Variants in LRP10 observed in about 807,000 individuals in gnomAD.
LRP10 encodes LDL receptor related protein 10, also known as low-density lipoprotein receptor-related protein 10.
LRP10 carries 42 observed loss-of-function variants against 58.5 expected under a neutral mutation model. The observed-to-expected ratio is 0.72, with a 90% CI of 0.56 to 0.93. The LOEUF (loss-of-function observed/expected upper bound fraction) is 0.93, where lower values mean the gene tolerates loss of function less well. LRP10 is among the 40% of genes least tolerant of loss of function. The pLI is 0.00. For synonymous variants in LRP10, 377 were observed against 388.5 expected, an observed-to-expected ratio of 0.97 and a Z score of 0.35; for missense variants, 872 against 940.1, an observed-to-expected ratio of 0.93 and a Z score of 0.95.
In LRP10 at chr14:22,877,652, G is replaced by C. The variant is rs2040023085; in HGVS notation, c.*125G>C. On this transcript the variant is annotated 3_prime_UTR_variant, in exon 7 of 7. Transcript: ENST00000359591. This position sits in a 1 kb window ranked among gnomAD's most constrained non-coding sequence, Gnocchi z 5.1. ...CCCTGTCCCTGGATTTCAGGGACTT[G>C]GTGGGCCTCCCGTTGACCCTATGTA... 1.4e-6 allele frequency: 1 copy of C among 712,794 alleles called. No individual in the cohort carries two copies. The highest frequency in any genetic ancestry group is 3.1e-5 in the Admixed American group (1 of 32,478). The allele number at this position is 712,794 out of a possible 1,614,324, so 44.2% of individuals were successfully genotyped here. A position where few individuals can be genotyped will look rare whatever the true frequency, so the allele number is the denominator to read the frequency against.
chr14:22,872,856 T>G (rs886826616), intron 2 of LRP10, 74 bp downstream of exon 2: 18 of 1,478,290 alleles, frequency 1.2e-5, no homozygotes, highest in Non-Finnish European at 1.7e-5. Flanking sequence ...CTCTGTTCCC[T>G]GAATTCCATG....
rs1041085312 is a variant in LRP10 at position 22,880,652 on chromosome 14, G to C, written c.*3125G>C. 1.3e-5 allele frequency: 2 copies of C among 152,032 alleles called. No individual in the cohort carries two copies. The highest frequency in any genetic ancestry group is 2.9e-5 in the Non-Finnish European group (2 of 68,014). The allele number at this position is 152,032 out of a possible 1,614,324, so 9.4% of individuals were successfully genotyped here. On this transcript the variant is annotated 3_prime_UTR_variant, in exon 7 of 7. Coordinates refer to ENST00000359591, the MANE Select transcript of LRP10 (RefSeq NM_014045.5). ...AACCAAGCTCCAGACCTCACTAGGA[G>C]GGGAGAAGGACCCCCCAGCCACACA... is the stretch of plus-strand genomic sequence containing the variant.
Position 22,876,700 on chromosome 14 carries a change from C to T in LRP10, c.1436C>T (p.Pro479Leu). The T allele has an allele frequency of 6.2e-7, 1 of 1,613,712 alleles. No individual in the cohort carries two copies. The highest frequency in any genetic ancestry group is 8.5e-7 in the Non-Finnish European group (1 of 1,179,788). ...CTCATTCCTTCTAGCATCTTTGCCC[C>T]CCTCTCCCGGATGGAGGCTGAGATT... ...IRTQEYSIFAPLSRMEAEIVQ... is the reference protein window; with the variant it reads ...IRTQEYSIFALLSRMEAEIVQ... Residue 479 changes from proline to leucine, a missense_variant, in exon 6 of 7, where the codon CCC becomes CTC. Coordinates refer to ENST00000359591, the MANE Select transcript of LRP10 (RefSeq NM_014045.5).
chr14:22,876,816 G>A lies in LRP10; in HGVS notation c.1552G>A (p.Asp518Asn), dbSNP rs74357167. 2,120 of 1,613,480 alleles carry A rather than the reference G, an allele frequency of 1.3e-3. 17 individuals carry two copies. In the East Asian group the frequency reaches 0.019, roughly 15 times the overall value. Residue 518 changes from aspartate (D) to asparagine (N), a missense_variant and splice_region_variant, in exon 6 of 7, where the codon GAT (aspartate) becomes AAT (asparagine). Physicochemically the swap from Asp to Asn is conservative, Grantham distance 23. Transcript: ENST00000359591. Reference sequence around the variant, plus strand: ...AGACTTTCCTACAGAGAATCCTAATGATGTAAGTCACTCCCCACAACCCTA... The same window carrying A: ...AGACTTTCCTACAGAGAATCCTAATAATGTAAGTCACTCCCCACAACCCTA... ...VEDFPTENPN[D>N]NSVLGNLRSL...
rs868834827 is a variant in LRP10, at chr14:22,879,102, C to A, written c.*1575C>A. 1.1e-5 allele frequency: 5 copies of A among 446,510 alleles called. No homozygotes were observed. Among genetic ancestry groups the A allele is most frequent in the Non-Finnish European group, 2.3e-5 (5 of 220,450 alleles). 27.7% of individuals were successfully genotyped at this position (446,510 alleles called of 1,614,324 possible). On this transcript the variant is annotated 3_prime_UTR_variant, in exon 7 of 7. Coordinates refer to ENST00000359591, the MANE Select transcript of LRP10 (RefSeq NM_014045.5). ...CCCCACGCCTGGCAGAGCCCATCAC[C>A]CAGCCTAGCCCCACACCTGGTGGAG...
chr14:22,873,465 G>T lies in LRP10; in HGVS notation c.215+19G>T, dbSNP rs983987265. On this transcript the variant is annotated intron_variant, in intron 3 of 6. Coordinates refer to ENST00000359591, the MANE Select transcript of LRP10 (RefSeq NM_014045.5). ...CCATCAGGTGAGAAGCAGAACAAGA[G>T]CAAGAACCCATTCTTCTCCCCTGCC... 1.2e-6 allele frequency: 2 copies of T among 1,612,484 alleles called. No individual in the cohort carries two copies. The highest frequency in any genetic ancestry group is 1.7e-6 in the Non-Finnish European group (2 of 1,179,034).
chr14:22,875,705 C>G lies in LRP10; in HGVS notation c.757C>G (p.Pro253Ala). 1 of 1,613,956 alleles carries G rather than the reference C, an allele frequency of 6.2e-7. No individual in the cohort carries two copies. Among genetic ancestry groups the G allele is most frequent in the African/African-American group, 1.3e-5 (1 of 75,052 alleles). ...FGDAVHVYDG[P>A]GPPESSRLLR... ...AGATGCAGTGCATGTGTATGACGGC[C>G]CTGGGCCCCCTGAGAGCTCCCGACT... Residue 253 changes from proline to alanine, a missense_variant, in exon 5 of 7, where the codon CCT becomes GCT. Physicochemically the swap from Pro to Ala is conservative, Grantham distance 27 (BLOSUM62 -1). Transcript: ENST00000359591.
In LRP10 at chr14:22,875,402, T is replaced by C; in HGVS notation, c.454T>C (p.Cys152Arg). The C allele has an allele frequency of 1.2e-6, 2 of 1,614,094 alleles. No individual in the cohort carries two copies. Among genetic ancestry groups the C allele is most frequent in the Non-Finnish European group, 1.7e-6 (2 of 1,180,016 alleles). Reference sequence around the variant, plus strand: ...AGAGTTTCAGTGCCTGAACCACCGCTGTGTATCTGCTGTCCAGCGCTGTGA... The same window carrying C: ...AGAGTTTCAGTGCCTGAACCACCGCCGTGTATCTGCTGTCCAGCGCTGTGA... The part of the protein sequence containing the change: ...QEEFQCLNHR[C>R]VSAVQRCDGV... Residue 152 changes from cysteine (C) to arginine (R), a missense_variant, in exon 5 of 7, where the codon TGT (cysteine) becomes CGT (arginine). Cys to Arg is a radical substitution (Grantham distance 180). Coordinates refer to ENST00000359591, the MANE Select transcript of LRP10 (RefSeq NM_014045.5).
chr14:22,879,145 C>A lies in LRP10; in HGVS notation c.*1618C>A, dbSNP rs946017988. The A allele has an allele frequency of 5.3e-5, 24 of 456,398 alleles. No individual in the cohort carries two copies. The highest frequency in any genetic ancestry group is 1.1e-4 in the Non-Finnish European group (24 of 226,812). 28.3% of individuals were successfully genotyped at this position (456,398 alleles called of 1,614,324 possible). A position where few individuals can be genotyped will look rare whatever the true frequency, so the allele number is the denominator to read the frequency against. On this transcript the variant is annotated 3_prime_UTR_variant, in exon 7 of 7. Coordinates refer to ENST00000359591, the MANE Select transcript of LRP10 (RefSeq NM_014045.5). ...TGGTGGAGAGGCCCTGTTGATTACA[C>A]CCTGTCAGCCTCCTCAAACCCAGCA...
In LRP10 at chr14:22,877,473, G is replaced by A. The variant is rs148391884; in HGVS notation, c.2088G>A (p.Leu696=). The change falls in exon 7 of 7, where the codon CTG becomes CTA. Residue 696 remains leucine, a synonymous_variant. Coordinates refer to ENST00000359591, the MANE Select transcript of LRP10 (RefSeq NM_014045.5). This position sits in a 1 kb window ranked among gnomAD's most constrained non-coding sequence, Gnocchi z 5.1. The part of the protein sequence containing the change: ...EDEDDVLLVP[L]AEPGVWVAEA... ...AGGACGATGTGCTACTGGTGCCACT[G>A]GCTGAGCCGGGGGTGTGGGTAGCTG... The A allele has an allele frequency of 2.5e-6, 4 of 1,612,266 alleles. No individual in the cohort carries two copies. The East Asian group carries it at 6.7e-5, about 27-fold the overall frequency.
intron 1 of LRP10, 96 bp from the exon 2 acceptor site, chr14:22,872,642 C>A: frequency 8.0e-7 from 1 of 1,245,906 alleles, no homozygotes; most frequent in South Asian, 1.3e-5. Flanking sequence ...GATTAACTGC[C>A]CGGAAGTCCC....
chr14:22,876,631 G>A (rs2040008763), intron 5 of LRP10, 58 bp from the exon 6 acceptor site: 1 of 1,587,982 alleles, frequency 6.3e-7, no homozygotes, highest in African/African-American at 1.3e-5. Context: ...TGTCCAGGCT[G>A]AGGTGGTCTA....
rs924853651 is a variant in LRP10 at position 22,877,664 on chromosome 14, G to A, written c.*137G>A. The A allele has an allele frequency of 2.7e-5, 17 of 640,444 alleles. No homozygotes were observed. The highest frequency in any genetic ancestry group is 6.4e-5 in the South Asian group (3 of 47,014). The allele number at this position is 640,444 out of a possible 1,614,324, so 39.7% of individuals were successfully genotyped here. On this transcript the variant is annotated 3_prime_UTR_variant, in exon 7 of 7. Coordinates refer to ENST00000359591, the MANE Select transcript of LRP10 (RefSeq NM_014045.5). The surrounding 1 kb of genome is among the most constrained non-coding windows in gnomAD (Gnocchi z 5.1). Reference sequence around the variant, plus strand: ...ATTTCAGGGACTTGGTGGGCCTCCCGTTGACCCTATGTAGCTGCTATAAAG... The same window carrying A: ...ATTTCAGGGACTTGGTGGGCCTCCCATTGACCCTATGTAGCTGCTATAAAG...
intron 3 of LRP10, among the ~76,000 whole-genome samples, 185 bp from the exon 4 acceptor site, chr14:22,874,868 CAA>C (rs1218445420): frequency 6.6e-6 from 1 of 152,206 alleles, no homozygotes; most frequent in Admixed American, 6.5e-5. Flanking sequence ...GCCTGGGTGA[CAA>C]GAGTGAAACT....
intron 5 of LRP10, 150 bp from the exon 6 acceptor site, chr14:22,876,539 G>T (rs1229042294): frequency 3.8e-6 from 5 of 1,317,520 alleles, no homozygotes; most frequent in Non-Finnish European, 5.2e-6. Flanking sequence ...GCAGTTTCAA[G>T]GGAGGAGGGA....
chr14:22,879,332 T>G lies in LRP10; in HGVS notation c.*1805T>G. On this transcript the variant is annotated 3_prime_UTR_variant, in exon 7 of 7. Coordinates refer to ENST00000359591, the MANE Select transcript of LRP10 (RefSeq NM_014045.5). ...TCTCCAGAGACTGGGGAGAGGGCTC[T>G]GGAGAACCTGGTTCTTGCTTACTGT... 8.3e-6 allele frequency: 3 copies of G among 362,726 alleles called. No individual in the cohort carries two copies. Among genetic ancestry groups the G allele is most frequent in the Non-Finnish European group, 1.8e-5 (3 of 171,406 alleles). 22.5% of individuals were successfully genotyped at this position (362,726 alleles called of 1,614,324 possible).
intron 3 of LRP10, among the ~76,000 whole-genome samples, chr14:22,874,549 A>G (rs2039983180): frequency 6.6e-6 from 1 of 152,196 alleles, no homozygotes; most frequent in Admixed American, 6.5e-5. Flanking sequence ...ACCATGAGGT[A>G]TTCCTACCAT....
In LRP10 at chr14:22,874,375, T is replaced by G. The variant is rs1005471485; in HGVS notation, c.216-680T>G. On this transcript the variant is annotated intron_variant, in intron 3 of 6. Transcript: ENST00000359591. ...TGGGGTGGGATAAGATGGTGAGTTC[T>G]GGTTAATTGAACTGTATGGTAATCA... 6.6e-5 allele frequency among the ~76,000 whole-genome samples: 10 copies of G among 152,220 alleles called. 1 individual carries two copies. The highest frequency in any genetic ancestry group is 1.3e-4 in the Admixed American group (2 of 15,282).
In LRP10 at chr14:22,879,339, C is replaced by G. The variant is rs1163261204; in HGVS notation, c.*1812C>G. 2.8e-6 allele frequency: 1 copy of G among 359,954 alleles called. No homozygotes were observed. 22.3% of individuals were successfully genotyped at this position (359,954 alleles called of 1,614,324 possible). On this transcript the variant is annotated 3_prime_UTR_variant, in exon 7 of 7. Coordinates refer to ENST00000359591, the MANE Select transcript of LRP10 (RefSeq NM_014045.5). Reference sequence around the variant, plus strand: ...AGACTGGGGAGAGGGCTCTGGAGAACCTGGTTCTTGCTTACTGTTCTCCCT... The same window carrying G: ...AGACTGGGGAGAGGGCTCTGGAGAAGCTGGTTCTTGCTTACTGTTCTCCCT...
Sources: allele counts gnomAD v4.1 joint callset (sites outside exome capture counted in the v4.1 genomes callset), GRCh38; gene constraint gnomAD v4.1.1; non-coding constraint Gnocchi (gnomAD v3.1); transcripts MANE v1.5; gene names NCBI Gene and HGNC (gene_info 2026-07-23, HGNC 2026-07-21).